The following MTR variants were observed in gnomAD, a reference collection of about 807,000 sequenced individuals.
The protein encoded by MTR is 5-methyltetrahydrofolate-homocysteine methyltransferase.
MTR carries 84 observed loss-of-function variants against 154.8 expected under a neutral mutation model. The observed-to-expected ratio is 0.54, with a 90% CI of 0.45 to 0.65. The LOEUF (loss-of-function observed/expected upper bound fraction) is 0.65, where lower values mean the gene tolerates loss of function less well. Ranked by LOEUF, MTR falls within the 30% of genes least tolerant of loss-of-function variation. The pLI is 0.00. For missense variants in MTR, 1,275 were observed against 1,570.2 expected (o/e 0.81, Z 3.18); for synonymous variants, 554 against 553.9 (o/e 1.00, Z 0.00).
chr1:236,801,258 T>C (rs527568671), intron 1 of MTR, among the ~76,000 whole-genome samples: 26 of 152,344 alleles, frequency 1.7e-4, no homozygotes, highest in Non-Finnish European at 3.4e-4. Flanking sequence ...AGGAAGTGTT[T>C]TATCTCACCT....
chr1:236,840,742 G>A (rs141881670), intron 15 of MTR, among the ~76,000 whole-genome samples: 1 of 152,332 alleles, frequency 6.6e-6, no homozygotes, highest in East Asian at 1.9e-4. Flanking sequence ...TTGCATTCCA[G>A]TATGTTTTAC....
intron 24 of MTR, 55 bp from the exon 25 acceptor site, chr1:236,880,700 G>C: frequency 7.3e-7 from 1 of 1,371,556 alleles, no homozygotes; most frequent in South Asian, 1.2e-5. Context: ...AACAAGAGTT[G>C]TATAGGAACT....
At chr1:236,882,504 C>T (rs1283388969) in intron 25 of MTR, among the ~76,000 whole-genome samples, 2 of 129,764 alleles carry the variant, frequency 1.5e-5, no homozygotes, top group Non-Finnish European at 3.6e-5. Flanking sequence ...AATTCTCCTG[C>T]CTCAGCCTCA....
At chr1:236,864,906 T>C (rs967064676) in intron 22 of MTR, among the ~76,000 whole-genome samples, 1 of 152,264 alleles carries the variant, frequency 6.6e-6, no homozygotes, top group African/African-American at 2.4e-5. Flanking sequence ...GCCAGGTACA[T>C]GTTCAGCCTT....
chr1:236,880,647 C>T, intron 24 of MTR, 108 bp from the exon 25 acceptor site: 1 of 915,248 alleles, frequency 1.1e-6, no homozygotes, highest in South Asian at 1.4e-5. Context: ...TGAAATGTTT[C>T]TCTGGAAAGC....
intron 18 of MTR, 59 bp downstream of exon 18, chr1:236,853,147 C>G: frequency 6.5e-7 from 1 of 1,537,266 alleles, no homozygotes; most frequent in Non-Finnish European, 9.0e-7. Flanking sequence ...TATTACTCAC[C>G]TACAGTTAGT....
chr1:236,802,625 G>T (rs976418709), intron 1 of MTR, among the ~76,000 whole-genome samples: 3 of 152,084 alleles, frequency 2.0e-5, no homozygotes, highest in African/African-American at 7.2e-5. Flanking sequence ...AAACTTCTTT[G>T]TACGGGATTA....
intron 22 of MTR, among the ~76,000 whole-genome samples, chr1:236,864,446 T>A (rs1664720443): frequency 6.6e-6 from 1 of 152,192 alleles, no homozygotes. Context: ...TCAGGAAGGC[T>A]GGAGACAGAG....
chr1:236,880,242 C>T (rs1313015501), intron 24 of MTR, among the ~76,000 whole-genome samples: 1 of 152,170 alleles, frequency 6.6e-6, no homozygotes, highest in Non-Finnish European at 1.5e-5. Context: ...GTTTGGGGTT[C>T]CATACTGCAA....
intron 22 of MTR, among the ~76,000 whole-genome samples, chr1:236,866,989 G>T (rs1355604160): frequency 6.6e-6 from 1 of 152,212 alleles, no homozygotes; most frequent in African/African-American, 2.4e-5. Context: ...ATGGTACAAG[G>T]TGAAGTGCAG....
In MTR at chr1:236,850,334, T is replaced by C. The variant is rs1224810391; in HGVS notation, c.1516-10T>C. ...CTATTTCAAACTACATCTTTTGCTC[T>C]TTTCCCTAGGCAACAGAAACAGACA... is the stretch of plus-strand genomic sequence containing the variant. On this transcript the variant is annotated splice_polypyrimidine_tract_variant and intron_variant, in intron 15 of 32. Transcript: ENST00000366577. The C allele has an allele frequency of 1.2e-6, 2 of 1,607,348 alleles. No individual in the cohort carries two copies. The highest frequency in any genetic ancestry group is 8.5e-7 in the Non-Finnish European group (1 of 1,175,764).
intron 15 of MTR, 147 bp downstream of exon 15, chr1:236,838,746 A>C (rs1572241176): frequency 2.4e-6 from 2 of 821,522 alleles, no homozygotes; most frequent in East Asian, 5.4e-5. Context: ...ATGTACACGT[A>C]TCTGTATACA....
intron 16 of MTR, among the ~76,000 whole-genome samples, chr1:236,850,788 C>T (rs1387483992): frequency 1.3e-5 from 2 of 152,116 alleles, no homozygotes; most frequent in Non-Finnish European, 1.5e-5. Context: ...GCTGGGATCA[C>T]GCCAGTGCGC....
chr1:236,858,824 A>G (rs753880261), intron 18 of MTR, among the ~76,000 whole-genome samples: 1 of 152,212 alleles, frequency 6.6e-6, no homozygotes, highest in Non-Finnish European at 1.5e-5. Context: ...ACAATAAAGT[A>G]ATGCAATTTA....
chr1:236,863,828 T>A (rs1264418643), intron 22 of MTR, among the ~76,000 whole-genome samples: 2 of 152,112 alleles, frequency 1.3e-5, no homozygotes, highest in Non-Finnish European at 2.9e-5. Flanking sequence ...ATTCCTGGGG[T>A]TGGATGTTGG....
chr1:236,866,921 T>A (rs1422011582), intron 22 of MTR, among the ~76,000 whole-genome samples: 4 of 152,202 alleles, frequency 2.6e-5, no homozygotes, highest in Admixed American at 2.0e-4. Context: ...GAAGAAAAGT[T>A]TGAAGCTAAC....
chr1:236,811,999 C>T (rs1439003567), intron 5 of MTR, among the ~76,000 whole-genome samples: 2 of 152,180 alleles, frequency 1.3e-5, no homozygotes, highest in African/African-American at 2.4e-5. Flanking sequence ...TCCTGTCTCA[C>T]TCTCCCCAGT....
intron 16 of MTR, among the ~76,000 whole-genome samples, chr1:236,852,106 G>T (rs1663936117): frequency 6.6e-6 from 1 of 152,176 alleles, no homozygotes; most frequent in Non-Finnish European, 1.5e-5. Flanking sequence ...GCTTGATACT[G>T]TCATCGGTAT....
At chr1:236,811,529 C>T in intron 5 of MTR, 1 of 451,024 alleles carries the variant, frequency 2.2e-6, no homozygotes, top group South Asian at 1.6e-5. Context: ...TGAGATCAAG[C>T]AAATATGGTT....
Sources: allele counts gnomAD v4.1 joint callset (sites outside exome capture counted in the v4.1 genomes callset), GRCh38; gene constraint gnomAD v4.1.1; transcripts MANE v1.5; gene names NCBI Gene and HGNC (gene_info 2026-07-23, HGNC 2026-07-21).